The following AKT3 variants were observed in gnomAD, a reference collection of about 807,000 sequenced individuals.
The protein encoded by AKT3 is RAC-gamma serine/threonine-protein kinase.
AKT3 carries 15 observed loss-of-function variants against 65.3 expected under a neutral mutation model. The observed-to-expected ratio is 0.23, with a 90% CI of 0.15 to 0.35. AKT3 has a LOEUF of 0.35. Among genes scored for constraint, AKT3 ranks in the 10% least tolerant of loss-of-function variants. AKT3 has a pLI of 1.00. For synonymous variants in AKT3, 206 were observed against 183.8 expected (o/e 1.12, Z -0.98); for missense variants, 243 against 576.5 (o/e 0.42, Z 5.92).
intron 2 of AKT3, among the ~76,000 whole-genome samples, chr1:243,766,117 G>A (rs575714103): frequency 5.9e-5 from 9 of 152,116 alleles, no homozygotes; most frequent in Non-Finnish European, 8.8e-5. Context: ...GTAAGTTTGA[G>A]TGAACTTTTA....
chr1:243,736,101 T>C (rs1687828833), intron 2 of AKT3, among the ~76,000 whole-genome samples: 1 of 152,200 alleles, frequency 6.6e-6, no homozygotes, highest in Non-Finnish European at 1.5e-5. Flanking sequence ...GTAAAAAGTA[T>C]ATGCTTTGTA....
chr1:243,662,546 G>C (rs976639434), intron 4 of AKT3, among the ~76,000 whole-genome samples: 12 of 134,892 alleles, frequency 8.9e-5, no homozygotes, highest in African/African-American at 3.3e-4. Flanking sequence ...TCACACTCTG[G>C]GGACTGTTGT....
At chr1:243,591,884 A>G (rs1676254185) in intron 8 of AKT3, among the ~76,000 whole-genome samples, 1 of 152,232 alleles carries the variant, frequency 6.6e-6, no homozygotes, top group South Asian at 2.1e-4. Context: ...AGAGAACATT[A>G]GTAAACAGTG....
intron 11 of AKT3, among the ~76,000 whole-genome samples, chr1:243,550,789 CAAAAAAAAAAA>C (rs60834632): frequency 3.0e-5 from 1 of 33,682 alleles, no homozygotes; most frequent in South Asian, 2.5e-3. Context: ...ACTAAAATAC[CAAAAAAAAAAA>C]AAAAAAAAAA....
intron 8 of AKT3, among the ~76,000 whole-genome samples, chr1:243,596,717 T>C: frequency 1.3e-5 from 2 of 152,314 alleles, no homozygotes; most frequent in South Asian, 4.1e-4. Context: ...AATCATACTC[T>C]TCAGTATTAA....
chr1:243,699,465 C>CTATATATATATATATA (rs58911364), intron 2 of AKT3, among the ~76,000 whole-genome samples: 68 of 103,558 alleles, frequency 6.6e-4, no homozygotes, highest in Non-Finnish European at 7.7e-4. Flanking sequence ...ACCTCTTCCA[C>CTATATATATATATATA]TATATATATA....
chr1:243,591,479 C>G (rs1676220107), intron 8 of AKT3, among the ~76,000 whole-genome samples: 1 of 152,134 alleles, frequency 6.6e-6, no homozygotes, highest in Non-Finnish European at 1.5e-5. Flanking sequence ...CTTCCAGCAT[C>G]TGACAATGTA....
intron 8 of AKT3, among the ~76,000 whole-genome samples, chr1:243,607,840 C>A (rs955181108): frequency 6.6e-6 from 1 of 152,132 alleles, no homozygotes; most frequent in East Asian, 1.9e-4. Context: ...GTGGTTACCA[C>A]TATGTGATTC....
At chr1:243,665,729 T>A (rs1014712520) in intron 3 of AKT3, among the ~76,000 whole-genome samples, 2 of 152,198 alleles carry the variant, frequency 1.3e-5, no homozygotes, top group African/African-American at 4.8e-5. Context: ...AATATTAGCA[T>A]AATATGAGAC....
intron 10 of AKT3, among the ~76,000 whole-genome samples, chr1:243,562,305 G>C (rs1407089381): frequency 6.6e-6 from 1 of 152,140 alleles, no homozygotes; most frequent in African/African-American, 2.4e-5. Flanking sequence ...GCAGATCAGT[G>C]GTTGCCTGTG....
chr1:243,563,644 C>T lies in AKT3; in HGVS notation c.948+76G>A, dbSNP rs918145634. The T allele has an allele frequency of 3.3e-6, 5 of 1,502,852 alleles. No homozygotes were observed. In the African/African-American group the frequency reaches 7.0e-5, roughly 21 times the overall value. The allele number at this position is 1,502,852 out of a possible 1,614,324, so 93.1% of individuals were successfully genotyped here. On this transcript the variant is annotated intron_variant, in intron 10 of 13. Coordinates refer to ENST00000673466, the MANE Select transcript of AKT3 (RefSeq NM_005465.7). ...TAAAAGTAGTAGATACTACAGTTAA[C>T]TTTTAATGCTTAAATGGTTTACTTT...
chr1:243,674,759 A>C (rs1683388744), intron 3 of AKT3, among the ~76,000 whole-genome samples: 1 of 152,228 alleles, frequency 6.6e-6, no homozygotes, highest in Non-Finnish European at 1.5e-5. Flanking sequence ...ACAAGTGGGA[A>C]ATCTGAATAT....
At chr1:243,554,048 G>A (rs182512721) in intron 10 of AKT3, among the ~76,000 whole-genome samples, 27 of 152,124 alleles carry the variant, frequency 1.8e-4, no homozygotes, top group Admixed American at 5.9e-4. Context: ...TTCTTGCTTC[G>A]AATTAAATAT....
At chr1:243,799,224 A>C (rs1040747595) in intron 2 of AKT3, among the ~76,000 whole-genome samples, 1 of 152,214 alleles carries the variant, frequency 6.6e-6, no homozygotes, top group African/African-American at 2.4e-5. Flanking sequence ...GGGTGGGGAA[A>C]AATGCAGGAA....
chr1:243,591,301 T>C (rs1558638135), intron 8 of AKT3, among the ~76,000 whole-genome samples: 1 of 152,304 alleles, frequency 6.6e-6, no homozygotes, highest in African/African-American at 2.4e-5. Flanking sequence ...CTAAAAACTA[T>C]GGCATCTAAC....
chr1:243,784,989 C>G (rs1325024837), intron 2 of AKT3, among the ~76,000 whole-genome samples: 3 of 152,046 alleles, frequency 2.0e-5, no homozygotes, highest in East Asian at 3.9e-4. Flanking sequence ...GATTTCAACT[C>G]CCGGCTTAAG....
rs568484485 is a variant in AKT3 at position 243,773,376 on chromosome 1, T to C, written c.46+69749A>G. The stretch of plus-strand genomic sequence containing the variant: ...CTGGCTTGGTGGTAAAAGTAGACGC[T>C]TTGAAATCTGAAATCCTGATTTTAA... On this transcript the variant is annotated intron_variant, in intron 2 of 13. Coordinates refer to ENST00000673466, the MANE Select transcript of AKT3 (RefSeq NM_005465.7). Among the ~76,000 whole-genome samples the C allele has an allele frequency of 2.6e-4, 40 of 152,132 alleles. 1 individual carries two copies. The South Asian group carries it at 8.1e-3, about 31-fold the overall frequency.
chr1:243,552,591 A>C, intron 11 of AKT3, 138 bp downstream of exon 11: 1 of 791,910 alleles, frequency 1.3e-6, no homozygotes, highest in Non-Finnish European at 2.0e-6. Context: ...TGCAGTTAAA[A>C]ATAAGTCAGG....
intron 12 of AKT3, among the ~76,000 whole-genome samples, chr1:243,525,514 G>C (rs933248652): frequency 6.6e-6 from 1 of 151,268 alleles, no homozygotes; most frequent in African/African-American, 2.4e-5. Flanking sequence ...ATATGTTCAT[G>C]AGTAAAAAAG....
Sources: allele counts gnomAD v4.1 joint callset (sites outside exome capture counted in the v4.1 genomes callset), GRCh38; gene constraint gnomAD v4.1.1; transcripts MANE v1.5; gene names NCBI Gene and HGNC (gene_info 2026-07-23, HGNC 2026-07-21).